MROH9: variants seen among roughly 807,000 people sequenced by gnomAD.
MROH9 encodes maestro heat-like repeat-containing protein family member 9.
In MROH9, 92 loss-of-function variants were observed where a neutral mutation model predicts 98.2. The observed-to-expected ratio is 0.94, with a 90% CI of 0.79 to 1.11. The LOEUF (loss-of-function observed/expected upper bound fraction) is 1.11, where lower values mean the gene tolerates loss of function less well. Ranked by LOEUF, MROH9 falls within the 50% of genes most tolerant of loss-of-function variation. The probability of loss-of-function intolerance (pLI) is 0.00; values close to 1 mark genes in which losing one functional copy is unlikely to be tolerated. For missense variants in MROH9, 1,057 were observed against 1,014.8 expected (o/e 1.04, Z -0.57); for synonymous variants, 397 against 368.9 (o/e 1.08, Z -0.87).
At chr1:171,050,684 T>G (rs1266084777) in intron 20 of MROH9, among the ~76,000 whole-genome samples, 2 of 152,172 alleles carry the variant, frequency 1.3e-5, no homozygotes, top group East Asian at 3.9e-4. Flanking sequence ...ATTGCTCTAG[T>G]TAGGTCTTCC....
chr1:171,034,539 T>G (rs1653034640), intron 20 of MROH9, among the ~76,000 whole-genome samples: 1 of 152,190 alleles, frequency 6.6e-6, no homozygotes, highest in Non-Finnish European at 1.5e-5. Context: ...ATTAATGCAT[T>G]TAATGAGCAG....
intron 9 of MROH9, among the ~76,000 whole-genome samples, chr1:170,985,389 G>A (rs1013229237): frequency 1.3e-5 from 2 of 152,132 alleles, no homozygotes; most frequent in Non-Finnish European, 2.9e-5. Context: ...AGAAGCAGGA[G>A]GAGATAAAAA....
intron 3 of MROH9, among the ~76,000 whole-genome samples, chr1:170,952,678 A>C (rs867401016): frequency 1.2e-4 from 18 of 152,128 alleles, no homozygotes; most frequent in African/African-American, 3.9e-4. Flanking sequence ...GCAGCACACC[A>C]ACATGGCACA....
chr1:171,002,957 C>T (rs1002207058), intron 15 of MROH9, among the ~76,000 whole-genome samples: 1 of 152,016 alleles, frequency 6.6e-6, no homozygotes, highest in Non-Finnish European at 1.5e-5. Context: ...TTTTCTTACT[C>T]TTTTTGTCTT....
At chr1:171,050,754 G>A (rs1653638647) in intron 20 of MROH9, among the ~76,000 whole-genome samples, 2 of 152,134 alleles carry the variant, frequency 1.3e-5, no homozygotes, top group South Asian at 4.1e-4. Context: ...CAGTTCTTAG[G>A]TGGAGTGGTT....
chr1:171,024,183 T>C (rs58275037), intron 17 of MROH9, among the ~76,000 whole-genome samples: 3,667 of 152,250 alleles, frequency 0.024, 175 homozygotes, highest in African/African-American at 0.085. Context: ...GCAAATATTA[T>C]TTTAAAATTA....
Position 170,986,599 on chromosome 1 carries a change from C to T in MROH9, c.768C>T (p.Asp256=). ...CCTTACTGCCTCCCTTGCTGACTGA[C>T]TTTGTGCAGAGTCTCCTGATGAAAC... The part of the protein sequence containing the change: ...GQTLLPPLLT[D]FVQSLLMKLS... Residue 256 remains aspartate (D), a synonymous_variant, in exon 10 of 22, where the codon GAC becomes GAT. Transcript: ENST00000367759. The T allele has an allele frequency of 6.2e-7, 1 of 1,613,816 alleles. No homozygotes were observed. Among genetic ancestry groups the T allele is most frequent in the Non-Finnish European group, 8.5e-7 (1 of 1,179,874 alleles).
intron 20 of MROH9, among the ~76,000 whole-genome samples, chr1:171,056,582 G>A (rs1421146826): frequency 6.7e-6 from 1 of 149,512 alleles, no homozygotes; most frequent in African/African-American, 2.5e-5. Flanking sequence ...GAGCCCAGAT[G>A]AGTGGGTTTC....
At chr1:170,947,636 C>A in intron 3 of MROH9, 63 bp downstream of exon 3, 1 of 1,376,810 alleles carries the variant, frequency 7.3e-7, no homozygotes, top group Non-Finnish European at 1.0e-6. Flanking sequence ...TAACTTTTTA[C>A]TGTTTCCATT....
intron 20 of MROH9, among the ~76,000 whole-genome samples, chr1:171,058,417 A>G (rs566448981): frequency 6.6e-6 from 1 of 152,180 alleles, no homozygotes; most frequent in African/African-American, 2.4e-5. Flanking sequence ...AAATGGCCAT[A>G]CTGCCCAAAG....
chr1:171,027,983 G>A (rs902010931), intron 20 of MROH9, among the ~76,000 whole-genome samples: 58 of 152,142 alleles, frequency 3.8e-4, no homozygotes, highest in Non-Finnish European at 4.4e-5. Flanking sequence ...CTCCCATTCT[G>A]TAGGTTGCCT....
At chr1:170,941,706 T>C (rs766218340) in intron 1 of MROH9, among the ~76,000 whole-genome samples, 3 of 152,132 alleles carry the variant, frequency 2.0e-5, no homozygotes, top group Non-Finnish European at 4.4e-5. Context: ...GTTTCCACCA[T>C]AGTAGGGTCT....
intron 15 of MROH9, among the ~76,000 whole-genome samples, chr1:171,011,902 C>A (rs1175775161): frequency 1.3e-5 from 2 of 151,926 alleles, no homozygotes; most frequent in African/African-American, 4.8e-5. Context: ...TTTCCTAATA[C>A]AATGATTTCT....
intron 20 of MROH9, among the ~76,000 whole-genome samples, chr1:171,040,049 A>G (rs1441343714): frequency 3.3e-5 from 5 of 152,128 alleles, no homozygotes; most frequent in Non-Finnish European, 5.9e-5. Flanking sequence ...AAAAGGGGAA[A>G]ACAAGAGACA....
In MROH9 at chr1:170,983,454, A is replaced by ATTT; in HGVS notation, c.649_650insTTT (p.Ser217delinsIleCys). ...AACAAATAAGCCTACAAACGGTAAA[A>ATTT]GTCATAGCCTCCAGTTTCCTTCTTC... On this transcript the variant is annotated protein_altering_variant, in exon 9 of 22. Coordinates refer to ENST00000367759, the MANE Select transcript of MROH9 (RefSeq NM_001163629.2). The ATTT allele has an allele frequency of 6.2e-7, 1 of 1,613,142 alleles. No homozygotes were observed. The highest frequency in any genetic ancestry group is 1.1e-5 in the South Asian group (1 of 91,026).
chr1:170,972,606 C>G (rs1189536510), intron 8 of MROH9, among the ~76,000 whole-genome samples: 3 of 151,804 alleles, frequency 2.0e-5, no homozygotes, highest in Non-Finnish European at 2.9e-5. Context: ...GTCAGGAGAT[C>G]GAGACCATCC....
At chr1:170,992,085 T>G in intron 11 of MROH9, 79 bp from the exon 12 acceptor site, 1 of 1,407,040 alleles carries the variant, frequency 7.1e-7, no homozygotes, top group Admixed American at 3.0e-5. Context: ...CCAAGACTAT[T>G]TTCCTGATTC....
chr1:171,044,718 C>A lies in MROH9; in HGVS notation c.2282-17414C>A, dbSNP rs1337628823. On this transcript the variant is annotated intron_variant, in intron 20 of 21. Coordinates refer to ENST00000367759, the MANE Select transcript of MROH9 (RefSeq NM_001163629.2). ...GGTTGCATGTATCTAGGAATTTGTC[C>A]ATTTCTTCTATATTTTCCAATTTAT... Among the ~76,000 whole-genome samples the A allele has an allele frequency of 3.3e-5, 5 of 151,724 alleles. No homozygotes were observed. The South Asian group carries it at 8.3e-4, about 25-fold the overall frequency.
At chr1:170,964,806 A>T (rs1300687381) in intron 6 of MROH9, among the ~76,000 whole-genome samples, 2 of 152,074 alleles carry the variant, frequency 1.3e-5, no homozygotes, top group Middle Eastern at 3.2e-3. Flanking sequence ...AATAAAAGGG[A>T]GAATACATAC....
Sources: gnomAD v4.1 joint callset for allele counts (sites outside exome capture counted in the v4.1 genomes callset) on GRCh38, gnomAD v4.1.1 for gene constraint, MANE v1.5 for transcripts, NCBI Gene and HGNC (gene_info 2026-07-23, HGNC 2026-07-21) for gene names.